ZNF516: variants seen among roughly 807,000 people sequenced by gnomAD.
The protein encoded by ZNF516 is zinc finger protein 516.
Under a neutral mutation model 79.7 loss-of-function variants are expected in ZNF516, and 19 were observed. The observed-to-expected ratio is 0.24, with a 90% CI of 0.17 to 0.35. ZNF516 has a LOEUF of 0.35. Among genes scored for constraint, ZNF516 ranks in the 10% least tolerant of loss-of-function variants. The probability of loss-of-function intolerance (pLI) is 1.00; values close to 1 mark genes in which losing one functional copy is unlikely to be tolerated. For missense variants in ZNF516, 1,678 were observed against 1,679.5 expected, an observed-to-expected ratio of 1.00 and a Z score of 0.02; for synonymous variants, 877 against 739.5, an observed-to-expected ratio of 1.19 and a Z score of -3.02.
At chr18:76,374,395 G>T (rs908313774) in intron 4 of ZNF516, among the ~76,000 whole-genome samples, 1 of 152,186 alleles carries the variant, frequency 6.6e-6, no homozygotes, top group African/African-American at 2.4e-5. Context: ...TACAGAAAAT[G>T]CAGTGGGTTT....
chr18:76,363,544 G>A (rs960979846), intron 6 of ZNF516, among the ~76,000 whole-genome samples: 1 of 152,200 alleles, frequency 6.6e-6, no homozygotes, highest in Non-Finnish European at 1.5e-5. Flanking sequence ...AAAATTTTAC[G>A]AGGGGTTAGG....
intron 3 of ZNF516, among the ~76,000 whole-genome samples, chr18:76,414,478 C>A (rs2075408852): frequency 6.6e-6 from 1 of 152,200 alleles, no homozygotes; most frequent in Non-Finnish European, 1.5e-5. Context: ...ACAGGCAATG[C>A]TGAATGTACA....
At chr18:76,380,702 TC>T (rs1221424304) in intron 3 of ZNF516, among the ~76,000 whole-genome samples, 1 of 152,178 alleles carries the variant, frequency 6.6e-6, no homozygotes, top group Non-Finnish European at 1.5e-5. Context: ...TCTTGTGGAA[TC>T]TTCACAATCA....
chr18:76,385,785 C>CCGGG (rs2074981619), intron 3 of ZNF516: 1 of 142,290 alleles, frequency 7.0e-6, no homozygotes, highest in African/African-American at 2.5e-5. Flanking sequence ...TGCCCCCCCC[C>CCGGG]CGGGAGCTGT....
chr18:76,480,488 T>TACATACACACACACAC (rs781398670), intron 1 of ZNF516, among the ~76,000 whole-genome samples: 2 of 138,868 alleles, frequency 1.4e-5, no homozygotes, highest in Non-Finnish European at 3.0e-5. Flanking sequence ...CACACACATA[T>TACATACACACACACAC]ACACATACAC....
intron 4 of ZNF516, chr18:76,378,073 ACT>A (rs1328708920): frequency 1.3e-5 from 2 of 151,970 alleles, no homozygotes; most frequent in East Asian, 3.9e-4. Context: ...GAACTGAGAG[ACT>A]CTGTTTTGTT....
chr18:76,363,724 G>A (rs975293796), intron 6 of ZNF516, among the ~76,000 whole-genome samples: 4 of 152,330 alleles, frequency 2.6e-5, no homozygotes, highest in African/African-American at 9.6e-5. Context: ...ACATCTCTGA[G>A]GTTCTGATGG....
chr18:76,388,755 A>G (rs1432875325), intron 3 of ZNF516: 2 of 152,244 alleles, frequency 1.3e-5, no homozygotes, highest in Non-Finnish European at 2.9e-5. Context: ...TGGCCACGGA[A>G]AAGACCCCAA....
intron 3 of ZNF516, among the ~76,000 whole-genome samples, chr18:76,391,860 G>A (rs1296757599): frequency 6.6e-6 from 1 of 152,228 alleles, no homozygotes; most frequent in East Asian, 1.9e-4. Context: ...CCTGAAGGCC[G>A]GAGACCCCAT....
chr18:76,436,097 G>A (rs893335793), intron 3 of ZNF516, among the ~76,000 whole-genome samples: 2 of 152,236 alleles, frequency 1.3e-5, no homozygotes, highest in African/African-American at 2.4e-5. Context: ...GCTGTGGCAC[G>A]ACGAAGGAAC....
intron 3 of ZNF516, among the ~76,000 whole-genome samples, chr18:76,406,840 A>G (rs887015513): frequency 2.0e-5 from 3 of 152,196 alleles, no homozygotes; most frequent in African/African-American, 7.2e-5. Flanking sequence ...TATCCTTCTC[A>G]GAGACAGACC....
intron 3 of ZNF516, among the ~76,000 whole-genome samples, chr18:76,422,363 C>G (rs1049297426): frequency 6.6e-6 from 1 of 152,218 alleles, no homozygotes; most frequent in African/African-American, 2.4e-5. Context: ...CGGATGATGA[C>G]CATGTACTCA....
chr18:76,403,829 A>C (rs1041646454), intron 3 of ZNF516, among the ~76,000 whole-genome samples: 2 of 152,232 alleles, frequency 1.3e-5, no homozygotes, highest in African/African-American at 2.4e-5. Flanking sequence ...TATTCACATC[A>C]AAACTAAAAG....
chr18:76,463,530 G>A (rs551615857), intron 1 of ZNF516, among the ~76,000 whole-genome samples: 25 of 152,372 alleles, frequency 1.6e-4, no homozygotes, highest in Admixed American at 1.4e-3. Context: ...CATGGACTGC[G>A]CTTGGTGTGC....
chr18:76,472,061 A>C (rs690036), intron 1 of ZNF516, among the ~76,000 whole-genome samples: 1 of 151,956 alleles, frequency 6.6e-6, no homozygotes, highest in Non-Finnish European at 1.5e-5. Flanking sequence ...TCTCAGTCAC[A>C]AATCTAGCCC....
intron 3 of ZNF516, among the ~76,000 whole-genome samples, chr18:76,420,879 G>A (rs1310225643): frequency 6.6e-6 from 1 of 152,204 alleles, no homozygotes; most frequent in Non-Finnish European, 1.5e-5. Flanking sequence ...ATCAATAAGT[G>A]TAACTGAATT....
intron 2 of ZNF516, among the ~76,000 whole-genome samples, 186 bp from the exon 3 acceptor site, chr18:76,443,397 AT>A (rs1295773617): frequency 6.6e-6 from 1 of 152,252 alleles, no homozygotes; most frequent in Non-Finnish European, 1.5e-5. Flanking sequence ...GTATCACTTA[AT>A]TATCAATAAT....
At chr18:76,437,888 C>A (rs1295453659) in intron 3 of ZNF516, among the ~76,000 whole-genome samples, 2 of 152,234 alleles carry the variant, frequency 1.3e-5, no homozygotes, top group Non-Finnish European at 2.9e-5. Flanking sequence ...ACAGGGCCAA[C>A]TGTACTTGTA....
intron 3 of ZNF516, among the ~76,000 whole-genome samples, chr18:76,426,545 T>C (rs2075595198): frequency 6.6e-6 from 1 of 152,122 alleles, no homozygotes; most frequent in East Asian, 1.9e-4. Context: ...TTTTTTAAAG[T>C]ATTTATTGTT....
Sources: gnomAD v4.1 joint callset for allele counts (sites outside exome capture counted in the v4.1 genomes callset) on GRCh38, gnomAD v4.1.1 for gene constraint, MANE v1.5 for transcripts, NCBI Gene and HGNC (gene_info 2026-07-23, HGNC 2026-07-21) for gene names.